The following DLG4 variants were observed in gnomAD, a reference collection of about 807,000 sequenced individuals.
The protein encoded by DLG4 is discs large MAGUK scaffold protein 4, also known as disks large homolog 4.
DLG4 carries 7 observed loss-of-function variants against 93.8 expected under a neutral mutation model. That is an observed-to-expected ratio of 0.07 (90% CI 0.04 to 0.14). DLG4 has a LOEUF of 0.14. DLG4 is among the 10% of genes least tolerant of loss of function. DLG4 has a pLI of 1.00. For synonymous variants in DLG4, 341 were observed against 387.6 expected (o/e 0.88, Z 1.41); for missense variants, 545 against 992.9 (o/e 0.55, Z 6.06).
chr17:7,191,391 T>C lies in DLG4; in HGVS notation c.1977-33A>G, dbSNP rs370647632. 2.9e-4 allele frequency: 451 copies of C among 1,559,042 alleles called. No individual in the cohort carries two copies. Among genetic ancestry groups the C allele is most frequent in the Middle Eastern group, 8.4e-4 (5 of 5,948 alleles). ...GAGGGAGGGAGAGCAGGCCTGAGAC[T>C]GGACCCACCTGACCCTGCCTTTTAT... On this transcript the variant is annotated intron_variant, in intron 18 of 19. Coordinates refer to ENST00000399506, the MANE Select transcript of DLG4 (RefSeq NM_001321075.3). This position sits in a 1 kb window ranked among gnomAD's most constrained non-coding sequence, Gnocchi z 6.6.
chr17:7,202,237 T>A (rs577996183), intron 8 of DLG4, among the ~76,000 whole-genome samples: 81 of 152,260 alleles, frequency 5.3e-4, no homozygotes, highest in Non-Finnish European at 8.4e-4. Context: ...CTAATTTTTT[T>A]AATTTTTTTA....
chr17:7,199,106 A>T (rs1056421522), intron 8 of DLG4, among the ~76,000 whole-genome samples: 2 of 152,210 alleles, frequency 1.3e-5, no homozygotes, highest in African/African-American at 4.8e-5. Context: ...CATGAAAGGG[A>T]GGATAAATGC....
Position 7,189,138 on chromosome 17 carries a change from G to GA in DLG4, c.*1569_*1570insT, listed in dbSNP as rs1029246065. ...AAAAAAAAAAAAAAAGGGTGGGGGG[G>GA]GCGCATAAAGAAACCTAGCGTATAT... On this transcript the variant is annotated 3_prime_UTR_variant, in exon 20 of 20. Coordinates refer to ENST00000399506, the MANE Select transcript of DLG4 (RefSeq NM_001321075.3). 1.3e-5 allele frequency among the ~76,000 whole-genome samples: 2 copies of GA among 148,618 alleles called. No individual in the cohort carries two copies. Among genetic ancestry groups the GA allele is most frequent in the African/African-American group, 5.0e-5 (2 of 40,120 alleles).
Position 7,195,851 on chromosome 17 carries a change from C to T in DLG4, c.1301+369G>A, listed in dbSNP as rs548874320. ...ACCACAGAGCTGCGGCCCACGTCTC[C>T]GGGACTGCCCACAGGGACGTGAAGG... On this transcript the variant is annotated intron_variant, in intron 11 of 19. Transcript: ENST00000399506. This position sits in a 1 kb window ranked among gnomAD's most constrained non-coding sequence, Gnocchi z 4.3. Among the ~76,000 whole-genome samples, 32 of 152,274 alleles carry T rather than the reference C, an allele frequency of 2.1e-4. No homozygotes were observed. The highest frequency in any genetic ancestry group is 4.1e-4 in the Non-Finnish European group (28 of 68,020).
rs1331213603 is a variant in DLG4 at position 7,196,199 on chromosome 17, C to A, written c.1301+21G>T. On this transcript the variant is annotated intron_variant, in intron 11 of 19. Transcript: ENST00000399506. This position sits in a 1 kb window ranked among gnomAD's most constrained non-coding sequence, Gnocchi z 8.3. ...CAGGAACGCAGAGGGGCTGAGGAGT[C>A]CAGCCCGGGAAGCCTCTGACCTGAT... 6.3e-7 allele frequency: 1 copy of A among 1,584,852 alleles called. No homozygotes were observed. Among genetic ancestry groups the A allele is most frequent in the Non-Finnish European group, 8.7e-7 (1 of 1,156,064 alleles).
intron 8 of DLG4, 58 bp from the exon 9 acceptor site, chr17:7,197,110 AC>A: frequency 6.7e-7 from 1 of 1,500,818 alleles, no homozygotes; most frequent in Non-Finnish European, 8.9e-7. Flanking sequence ...CCGCCACCCA[AC>A]CTTCTCCCCA....
At chr17:7,218,772 AGCC>A (rs904830443), upstream of DLG4, 283 of 1,606,230 alleles carry the variant, frequency 1.8e-4, 1 homozygote, top group Non-Finnish European at 2.2e-4. Flanking sequence ...AGGATCTCCG[AGCC>A]CCAGCCCCCC....
At chr17:7,192,043 G>A (rs780965435) in intron 17 of DLG4, 41 bp from the exon 18 acceptor site, 15 of 1,208,362 alleles carry the variant, frequency 1.2e-5, no homozygotes, top group Non-Finnish European at 1.6e-5. Context: ...CCAGCGGGTG[G>A]CGAGAAAGGA....
At chr17:7,218,850 C>T (rs763521208), upstream of DLG4, 167 of 1,613,436 alleles carry the variant, frequency 1.0e-4, 2 homozygotes, top group South Asian at 1.7e-3. Flanking sequence ...TCTGGGACAT[C>T]TCTCTCTTCT....
At position 7,194,439 on chromosome 17, in the gene DLG4, C is replaced by T. The variant is rs2069665032; in HGVS notation, c.1358G>A (p.Ser453Asn). 1 of 1,612,106 alleles carries T rather than the reference C, an allele frequency of 6.2e-7. No individual in the cohort carries two copies. The highest frequency in any genetic ancestry group is 1.3e-5 in the African/African-American group (1 of 75,034). ...KDCGFLSQALSFRFGDVLHVI... is the reference protein window; with the variant it reads ...KDCGFLSQALNFRFGDVLHVI... ...ATGCAGCACATCCCCAAAGCGGAAGCTCAGGGCCTGGCTCAGGAAGCCGCA... is the reference window on the plus strand; with the variant it reads ...ATGCAGCACATCCCCAAAGCGGAAGTTCAGGGCCTGGCTCAGGAAGCCGCA... The change falls in exon 12 of 20, where the codon AGC (serine) becomes AAC (asparagine). Residue 453 changes from serine (S) to asparagine (N), a missense_variant. Ser to Asn is a conservative substitution (Grantham distance 46). Coordinates refer to ENST00000399506, the MANE Select transcript of DLG4 (RefSeq NM_001321075.3). This position sits in a 1 kb window ranked among gnomAD's most constrained non-coding sequence, Gnocchi z 4.4.
At chr17:7,218,310 C>T, upstream of DLG4, 3 of 1,599,650 alleles carry the variant, frequency 1.9e-6, no homozygotes, top group South Asian at 1.1e-5. Context: ...TGAGTTACCT[C>T]CCCACCCCAG....
rs749081439 is a variant in DLG4 at position 7,203,068 on chromosome 17, G to A, written c.643-21C>T. On this transcript the variant is annotated intron_variant, in intron 7 of 19. Coordinates refer to ENST00000399506, the MANE Select transcript of DLG4 (RefSeq NM_001321075.3). The surrounding 1 kb of genome is among the most constrained non-coding windows in gnomAD (Gnocchi z 7.2). The stretch of plus-strand genomic sequence containing the variant: ...TTGACCTGGAGTCAAGGAAAGCAAA[G>A]CTCAGACAAAGCCACAAATGGCCCA... 34 of 1,593,270 alleles carry A rather than the reference G, an allele frequency of 2.1e-5. No individual in the cohort carries two copies. The African/African-American group carries it at 3.9e-4, about 18-fold the overall frequency.
chr17:7,193,661 G>A lies in DLG4; in HGVS notation c.1591+6C>T, dbSNP rs369111961. 6.5e-7 allele frequency: 1 copy of A among 1,546,954 alleles called. No homozygotes were observed. Among genetic ancestry groups the A allele is most frequent in the Non-Finnish European group, 8.7e-7 (1 of 1,147,484 alleles). On this transcript the variant is annotated splice_donor_region_variant and intron_variant, in intron 15 of 19. Transcript: ENST00000399506. This position sits in a 1 kb window ranked among gnomAD's most constrained non-coding sequence, Gnocchi z 6.7. ...TGCTGGGGCCAAGGCAGGGGCCAGG[G>A]CTCACCTTCCATCTGCGTCACTGTC...
At chr17:7,213,039 T>C (rs1451631383) in intron 1 of DLG4, among the ~76,000 whole-genome samples, 1 of 151,662 alleles carries the variant, frequency 6.6e-6, no homozygotes, top group Non-Finnish European at 1.5e-5. Flanking sequence ...TCTCAAAAAT[T>C]AATAATTAAT....
intron 8 of DLG4, among the ~76,000 whole-genome samples, chr17:7,197,585 A>G (rs147248992): frequency 0.017 from 2,549 of 152,142 alleles, 73 homozygotes; most frequent in African/African-American, 0.058. Flanking sequence ...CCCAGGTTCA[A>G]GTGATTCTCA....
At chr17:7,218,610 G>T, upstream of DLG4, 1 of 1,565,722 alleles carries the variant, frequency 6.4e-7, no homozygotes, top group Non-Finnish European at 8.7e-7. Context: ...AGCAGTGGGG[G>T]TGCCAGGAGC....
In DLG4 at chr17:7,191,988, G is replaced by A; in HGVS notation, c.1881C>T (p.Ile627=). Residue 627 remains isoleucine, a synonymous_variant, in exon 18 of 20, where the codon ATC becomes ATT. Transcript: ENST00000399506. The surrounding 1 kb of genome is among the most constrained non-coding windows in gnomAD (Gnocchi z 6.6). ...REVAEQGKHC[I]LDVSANAVRR... is the part of the protein sequence containing the mutation. The stretch of plus-strand genomic sequence containing the variant: ...GCACGGCATTGGCCGAGACATCGAG[G>A]ATGCAGTGCTTCCCCTGGGGGCAGG... 2 of 1,451,772 alleles carry A rather than the reference G, an allele frequency of 1.4e-6. No individual in the cohort carries two copies. The highest frequency in any genetic ancestry group is 1.8e-6 in the Non-Finnish European group (2 of 1,097,822). The allele number at this position is 1,451,772 out of a possible 1,614,324, so 89.9% of individuals were successfully genotyped here. A position where few individuals can be genotyped will look rare whatever the true frequency, so the allele number is the denominator to read the frequency against.
At chr17:7,218,092 C>T, upstream of DLG4, 1 of 721,046 alleles carries the variant, frequency 1.4e-6, no homozygotes, top group Non-Finnish European at 2.3e-6. Context: ...ACAGAGAGTG[C>T]ATTCTCGGTG....
intron 17 of DLG4, chr17:7,192,556 G>T: frequency 3.9e-6 from 1 of 254,106 alleles, no homozygotes; most frequent in Non-Finnish European, 7.6e-6. Context: ...GTGGGAGAGG[G>T]GAGCCGGGCC....
Sources: gnomAD v4.1 joint callset for allele counts (sites outside exome capture counted in the v4.1 genomes callset) on GRCh38, gnomAD v4.1.1 for gene constraint, Gnocchi (gnomAD v3.1) non-coding constraint, MANE v1.5 for transcripts, NCBI Gene and HGNC (gene_info 2026-07-23, HGNC 2026-07-21) for gene names.